The following ADAMTSL1 variants were observed in gnomAD, a reference collection of about 807,000 sequenced individuals.
ADAMTSL1 encodes the protein ADAMTS like 1, also known as ADAMTS-like protein 1.
A neutral mutation model predicts 201.8 loss-of-function variants in ADAMTSL1; 126 were observed. The ratio of observed to expected loss-of-function variants is 0.62; its 90% CI spans 0.54 to 0.72. The LOEUF (loss-of-function observed/expected upper bound fraction) is 0.72. Among genes scored for constraint, ADAMTSL1 ranks in the 30% least tolerant of loss-of-function variants. The pLI is 0.00. For synonymous variants in ADAMTSL1, 1,121 were observed against 903.4 expected (o/e 1.24, Z -4.32); for missense variants, 2,679 against 2,277.8 (o/e 1.18, Z -3.59).
chr9:18,577,021 T>C (rs1822780058), intron 4 of ADAMTSL1, among the ~76,000 whole-genome samples: 1 of 152,112 alleles, frequency 6.6e-6, no homozygotes. Flanking sequence ...GTCCCCAGAT[T>C]TGGCTGCCTA....
intron 13 of ADAMTSL1, among the ~76,000 whole-genome samples, chr9:18,702,962 A>G (rs769024755): frequency 6.6e-6 from 1 of 152,014 alleles, no homozygotes; most frequent in African/African-American, 2.4e-5. Context: ...GGGCTTCACC[A>G]TGTTGGCCAG....
At chr9:18,878,369 T>A (rs1828306412) in intron 23 of ADAMTSL1, among the ~76,000 whole-genome samples, 1 of 152,256 alleles carries the variant, frequency 6.6e-6, no homozygotes, top group African/African-American at 2.4e-5. Context: ...CTACTCCTTG[T>A]GGTCTTTCCC....
intron 2 of ADAMTSL1, among the ~76,000 whole-genome samples, chr9:18,388,073 G>C (rs369941341): frequency 5.3e-5 from 8 of 151,824 alleles, no homozygotes; most frequent in African/African-American, 1.9e-4. Flanking sequence ...ACAAAATTAG[G>C]CCTGTTTTAT....
chr9:18,631,305 T>C (rs1384743577), intron 5 of ADAMTSL1, among the ~76,000 whole-genome samples: 1 of 152,160 alleles, frequency 6.6e-6, no homozygotes, highest in African/African-American at 2.4e-5. Context: ...ATATCTTCTA[T>C]TGTGCAATTA....
intron 2 of ADAMTSL1, among the ~76,000 whole-genome samples, chr9:18,230,238 C>G (rs1830599158): frequency 6.6e-6 from 1 of 152,176 alleles, no homozygotes; most frequent in South Asian, 2.1e-4. Flanking sequence ...CATATGCACA[C>G]ATGCTATTTG....
At chr9:18,225,057 C>T (rs760601690) in intron 2 of ADAMTSL1, among the ~76,000 whole-genome samples, 1 of 152,180 alleles carries the variant, frequency 6.6e-6, no homozygotes. Flanking sequence ...CTTAATTACT[C>T]TGGGATAAAA....
chr9:18,015,694 G>A (rs1820229309), intron 1 of ADAMTSL1, among the ~76,000 whole-genome samples: 1 of 151,982 alleles, frequency 6.6e-6, no homozygotes, highest in Non-Finnish European at 1.5e-5. Context: ...GATATGGACT[G>A]AGGGCTGCCT....
intron 20 of ADAMTSL1, among the ~76,000 whole-genome samples, chr9:18,798,785 T>C (rs1201968956): frequency 6.6e-6 from 1 of 152,216 alleles, no homozygotes. Flanking sequence ...GTAGATCTGG[T>C]GTCTTGCCAA....
At chr9:18,301,764 A>G (rs1587505046) in intron 2 of ADAMTSL1, among the ~76,000 whole-genome samples, 1 of 152,350 alleles carries the variant, frequency 6.6e-6, no homozygotes, top group East Asian at 1.9e-4. Flanking sequence ...AAATTAGAAA[A>G]TGTACTAACC....
At chr9:18,766,661 C>G (rs1266708097) in intron 16 of ADAMTSL1, among the ~76,000 whole-genome samples, 1 of 152,178 alleles carries the variant, frequency 6.6e-6, no homozygotes, top group African/African-American at 2.4e-5. Context: ...AGTGAGAACC[C>G]TCTTTCTGGT....
chr9:17,953,348 C>G lies in ADAMTSL1; in HGVS notation c.87+46426C>G, dbSNP rs931852261. On this transcript the variant is annotated intron_variant, in intron 1 of 29. Coordinates refer to the ADAMTSL1 transcript ENST00000680146. The stretch of plus-strand genomic sequence containing the variant: ...ATTGGCAGAACGTTGGGAGATTTCA[C>G]TGAGAAGGGAACAACTGAGCTTGTC... Among the ~76,000 whole-genome samples, 3 of 152,290 alleles carry G rather than the reference C, an allele frequency of 2.0e-5. No individual in the cohort carries two copies. In the South Asian group the frequency reaches 6.2e-4, roughly 32 times the overall value.
At chr9:17,938,167 G>A (rs554742480) in intron 1 of ADAMTSL1, among the ~76,000 whole-genome samples, 11 of 152,186 alleles carry the variant, frequency 7.2e-5, no homozygotes, top group Admixed American at 1.3e-4. Context: ...GTGTGCACTC[G>A]TCTCTAATTT....
intron 23 of ADAMTSL1, among the ~76,000 whole-genome samples, chr9:18,843,996 C>T (rs1268097238): frequency 2.0e-5 from 3 of 152,176 alleles, no homozygotes; most frequent in East Asian, 1.9e-4. Flanking sequence ...TCCTGTAGCT[C>T]GGAGTAGTTT....
At chr9:18,337,592 T>G (rs1335074595) in intron 2 of ADAMTSL1, among the ~76,000 whole-genome samples, 1 of 152,168 alleles carries the variant, frequency 6.6e-6, no homozygotes, top group African/African-American at 2.4e-5. Context: ...AGGGTCACAC[T>G]GCTAGTAAGT....
chr9:18,713,432 A>T (rs1011067427), intron 14 of ADAMTSL1, among the ~76,000 whole-genome samples: 1 of 152,234 alleles, frequency 6.6e-6, no homozygotes, highest in Non-Finnish European at 1.5e-5. Context: ...AAAACAAAAA[A>T]GGCAGGGGTT....
At chr9:18,608,688 G>T (rs369864913) in intron 4 of ADAMTSL1, among the ~76,000 whole-genome samples, 2 of 152,134 alleles carry the variant, frequency 1.3e-5, no homozygotes, top group African/African-American at 4.8e-5. Context: ...TTCCAACTCA[G>T]TCCCATCACT....
At chr9:18,409,661 G>A (rs181840742) in intron 2 of ADAMTSL1, among the ~76,000 whole-genome samples, 1 of 150,378 alleles carries the variant, frequency 6.6e-6, no homozygotes, top group South Asian at 2.1e-4. Context: ...ATTATTCCCA[G>A]TTAAAACTCA....
intron 2 of ADAMTSL1, among the ~76,000 whole-genome samples, chr9:18,259,538 T>C (rs923303103): frequency 6.6e-6 from 1 of 151,964 alleles, no homozygotes; most frequent in African/African-American, 2.4e-5. Flanking sequence ...CATATATCCT[T>C]ATGTAGCATC....
intron 1 of ADAMTSL1, among the ~76,000 whole-genome samples, chr9:17,959,527 C>A (rs1013971282): frequency 1.4e-4 from 21 of 152,156 alleles, no homozygotes; most frequent in African/African-American, 5.1e-4. Context: ...AGTGCATTTT[C>A]AGCTCACTGC....
Sources: gnomAD v4.1 joint callset for allele counts (sites outside exome capture counted in the v4.1 genomes callset) on GRCh38, gnomAD v4.1.1 for gene constraint, MANE v1.5 for transcripts, NCBI Gene and HGNC (gene_info 2026-07-23, HGNC 2026-07-21) for gene names.